The following LRP1B variants were observed in gnomAD, a reference collection of about 807,000 sequenced individuals.
LRP1B encodes the protein low-density lipoprotein receptor-related protein 1B.
In LRP1B, 217 loss-of-function variants were observed where a neutral mutation model predicts 556.6. That is an observed-to-expected ratio of 0.39 (90% CI 0.35 to 0.44). The LOEUF (loss-of-function observed/expected upper bound fraction) is 0.44. Among genes scored for constraint, LRP1B ranks in the 20% least tolerant of loss-of-function variants. The pLI, the probability that LRP1B is intolerant of heterozygous loss-of-function variation, is 1.00. For synonymous variants in LRP1B, 2,047 were observed against 1,865.8 expected (o/e 1.10, Z -2.50); for missense variants, 5,053 against 5,620.8 (o/e 0.90, Z 3.23).
At chr2:141,897,948 C>T (rs1699504039) in intron 1 of LRP1B, among the ~76,000 whole-genome samples, 1 of 152,112 alleles carries the variant, frequency 6.6e-6, no homozygotes, top group African/African-American at 2.4e-5. Flanking sequence ...CTGACAGTGA[C>T]CATACAGAAT....
At chr2:140,478,079 T>C (rs1460603693) in intron 59 of LRP1B, among the ~76,000 whole-genome samples, 1 of 151,938 alleles carries the variant, frequency 6.6e-6, no homozygotes, top group Non-Finnish European at 1.5e-5. Context: ...CACAACCACC[T>C]TATAAATTTC....
chr2:141,471,268 ATTTTT>A (rs1553518974), intron 3 of LRP1B, among the ~76,000 whole-genome samples: 42 of 31,894 alleles, frequency 1.3e-3, no homozygotes, highest in Non-Finnish European at 2.8e-3. Context: ...ATACCCTGGT[ATTTTT>A]TTTTTTTTTT....
At chr2:141,096,450 T>C (rs1429871141) in intron 7 of LRP1B, among the ~76,000 whole-genome samples, 1 of 151,778 alleles carries the variant, frequency 6.6e-6, no homozygotes, top group African/African-American at 2.4e-5. Flanking sequence ...TATCCCGGGA[T>C]GATGATGCAT....
intron 86 of LRP1B, chr2:140,269,500 G>T (rs990813658): frequency 1.8e-5 from 7 of 395,384 alleles, no homozygotes; most frequent in Non-Finnish European, 3.0e-5. Flanking sequence ...CCAGATATGC[G>T]CACTTCTCTC....
rs373945484 is a variant in LRP1B, at chr2:141,849,823, A to C, written c.83-39422T>G. ...CTTTATAATTAGATCTTAATATTTC[A>C]AAATTCCATCTAGGATGTATATACC... On this transcript the variant is annotated intron_variant, in intron 1 of 90. Coordinates refer to ENST00000389484, the MANE Select transcript of LRP1B (RefSeq NM_018557.3). Among the ~76,000 whole-genome samples, 7 of 151,816 alleles carry C rather than the reference A, an allele frequency of 4.6e-5. No individual in the cohort carries two copies. In the East Asian group the frequency reaches 1.2e-3, roughly 25 times the overall value.
At chr2:141,744,336 G>A (rs1693834705) in intron 2 of LRP1B, among the ~76,000 whole-genome samples, 1 of 152,094 alleles carries the variant, frequency 6.6e-6, no homozygotes, top group Non-Finnish European at 1.5e-5. Flanking sequence ...ACTGTGATCA[G>A]AGAAAATGCT....
chr2:141,409,882 G>A (rs78643775), intron 3 of LRP1B, among the ~76,000 whole-genome samples: 6,553 of 151,986 alleles, frequency 0.043, 190 homozygotes, highest in Non-Finnish European at 0.065. Context: ...AACTTGAGAA[G>A]AGAGAATGCT....
At chr2:141,052,934 G>A (rs894309877) in intron 10 of LRP1B, among the ~76,000 whole-genome samples, 2 of 151,928 alleles carry the variant, frequency 1.3e-5, no homozygotes, top group African/African-American at 2.4e-5. Flanking sequence ...CACAACACTC[G>A]CCCTTGTTGT....
chr2:140,903,061 T>C lies in LRP1B; in HGVS notation c.3625A>G (p.Asn1209Asp). ...CPEGLQLNKD[N>D]KTCEIVDYCS... ...TAATCCACAATTTCACATGTTTTAT[T>C]GTCTTTGTTGAGTTGAAGTCCTTCA... Residue 1209 changes from asparagine (N) to aspartate (D), a missense_variant, in exon 23 of 91, where the codon AAT becomes GAT. Around this residue, in one of 5 missense-constraint regions of LRP1B, gnomAD observed 3,619 missense variants for 3,931.9 expected, o/e 0.92. Transcript: ENST00000389484. 6.2e-7 allele frequency: 1 copy of C among 1,613,732 alleles called. No homozygotes were observed. Among genetic ancestry groups the C allele is most frequent in the South Asian group, 1.1e-5 (1 of 91,078 alleles).
intron 77 of LRP1B, among the ~76,000 whole-genome samples, chr2:140,349,616 G>C (rs1334531932): frequency 6.6e-6 from 1 of 151,974 alleles, no homozygotes; most frequent in Non-Finnish European, 1.5e-5. Context: ...CAAGAAGCTA[G>C]GAGGCCAGTA....
rs191723322 is a variant in LRP1B, at chr2:141,571,075, G to A, written c.206-90542C>T. 4.0e-4 allele frequency among the ~76,000 whole-genome samples: 61 copies of A among 151,380 alleles called. 1 individual carries two copies. The highest frequency in any genetic ancestry group is 1.4e-3 in the African/African-American group (59 of 41,508). ...AGGGACAAAGTTCCCTGTTAAACGG[G>A]TCCTGTGCCCTGTGCCACCCAACTG... On this transcript the variant is annotated intron_variant, in intron 2 of 90. Coordinates refer to ENST00000389484, the MANE Select transcript of LRP1B (RefSeq NM_018557.3).
chr2:141,663,157 A>C (rs1690290001), intron 2 of LRP1B, among the ~76,000 whole-genome samples: 1 of 152,206 alleles, frequency 6.6e-6, no homozygotes, highest in Admixed American at 6.5e-5. Context: ...AAGAGACAAC[A>C]TACCAGAATA....
intron 11 of LRP1B, among the ~76,000 whole-genome samples, chr2:141,030,856 G>A (rs1454556012): frequency 5.3e-5 from 8 of 151,996 alleles, no homozygotes; most frequent in Admixed American, 5.3e-4. Flanking sequence ...ATTGATAGGT[G>A]TTTAAGGAAG....
rs1393448374 is a variant in LRP1B at position 141,860,846 on chromosome 2, T to TA, written c.83-50446dup. Among the ~76,000 whole-genome samples, 16 of 152,284 alleles carry TA rather than the reference T, an allele frequency of 1.1e-4. No homozygotes were observed. In the East Asian group the frequency reaches 2.1e-3, roughly 20 times the overall value. Reference sequence around the variant, plus strand: ...ACTTCATCTTCACAGCAACCTGAGATAAAAAATCTTTACATTCTACAGAAA... The same window carrying TA: ...ACTTCATCTTCACAGCAACCTGAGATAAAAAAATCTTTACATTCTACAGAAA... On this transcript the variant is annotated intron_variant, in intron 1 of 90. Transcript: ENST00000389484.
At chr2:140,771,206 CAACA>C (rs1373404015) in intron 33 of LRP1B, among the ~76,000 whole-genome samples, 200 bp from the exon 34 acceptor site, 3 of 151,802 alleles carry the variant, frequency 2.0e-5, no homozygotes, top group Non-Finnish European at 2.9e-5. Flanking sequence ...TCAAAAAAGT[CAACA>C]GACATACATG....
chr2:140,905,122 G>C (rs1301734139), intron 22 of LRP1B, among the ~76,000 whole-genome samples: 2 of 152,072 alleles, frequency 1.3e-5, no homozygotes, highest in Non-Finnish European at 2.9e-5. Context: ...ACACTAGTCA[G>C]GATCCTCTAA....
At chr2:141,080,673 G>C (rs1452289528) in intron 7 of LRP1B, among the ~76,000 whole-genome samples, 1 of 152,204 alleles carries the variant, frequency 6.6e-6, no homozygotes, top group South Asian at 2.1e-4. Context: ...GACACCGTCA[G>C]ATTGACCTGC....
At chr2:142,096,888 G>A (rs1241817186) in intron 1 of LRP1B, among the ~76,000 whole-genome samples, 1 of 151,266 alleles carries the variant, frequency 6.6e-6, no homozygotes, top group African/African-American at 2.4e-5. Flanking sequence ...CTCCCCTCTA[G>A]AAGTCCCCAG....
intron 52 of LRP1B, among the ~76,000 whole-genome samples, chr2:140,509,140 G>C (rs1689548244): frequency 6.7e-6 from 1 of 150,158 alleles, no homozygotes; most frequent in East Asian, 2.0e-4. Context: ...CAAATACAAT[G>C]CTTTAAAGAT....
Sources: allele counts gnomAD v4.1 joint callset (sites outside exome capture counted in the v4.1 genomes callset), GRCh38; gene constraint gnomAD v4.1.1; regional missense constraint gnomAD v4.1.1; transcripts MANE v1.5; gene names NCBI Gene and HGNC (gene_info 2026-07-23, HGNC 2026-07-21).